The following PRRC2C variants were observed in gnomAD, a reference collection of about 807,000 sequenced individuals.
PRRC2C encodes protein PRRC2C.
In PRRC2C, 72 loss-of-function variants were observed where a neutral mutation model predicts 317.2. That is an observed-to-expected ratio of 0.23 (90% confidence interval 0.19 to 0.28). The LOEUF (loss-of-function observed/expected upper bound fraction) is 0.28. Among genes scored for constraint, PRRC2C ranks in the 10% least tolerant of loss-of-function variants. The pLI, the probability that PRRC2C is intolerant of heterozygous loss-of-function variation, is 1.00. For missense variants in PRRC2C, 3,074 were observed against 3,459.7 expected (o/e 0.89, Z 2.80); for synonymous variants, 1,296 against 1,205.9 (o/e 1.07, Z -1.55).
In PRRC2C at chr1:171,542,021, G is replaced by A. The variant is rs1369696524; in HGVS notation, c.4555G>A (p.Ala1519Thr). The A allele has an allele frequency of 4.3e-6, 7 of 1,613,558 alleles. No homozygotes were observed. Among genetic ancestry groups the A allele is most frequent in the African/African-American group, 1.3e-5 (1 of 74,856 alleles). ...GCGAGAGAGGGATGAAAAAAAAAAT[G>A]CTGACTTGAATGCACAAACAGTTGT... ...ERRERDEKKN[A>T]DLNAQTVVKV... The change falls in exon 16 of 35, where the codon GCT becomes ACT. Residue 1519 changes from alanine to threonine, a missense_variant. Ala to Thr is a moderately conservative substitution (Grantham distance 58). Around this residue, in one of 11 missense-constraint regions of PRRC2C, gnomAD observed 178 missense variants for 163.0 expected, o/e 1.09. Coordinates refer to ENST00000647382, the MANE Select transcript of PRRC2C (RefSeq NM_001387844.1).
intron 1 of PRRC2C, among the ~76,000 whole-genome samples, chr1:171,507,483 CG>C (rs1436167419): frequency 3.9e-5 from 6 of 152,058 alleles, no homozygotes; most frequent in African/African-American, 1.4e-4. Context: ...TGGTGGCAGA[CG>C]CCCGTAGTCC....
chr1:171,575,230 T>A (rs752033567), intron 25 of PRRC2C, 102 bp downstream of exon 25: 8 of 1,168,344 alleles, frequency 6.8e-6, no homozygotes, highest in Non-Finnish European at 9.6e-6. Context: ...AATAGTAATA[T>A]TCAATCTTCC....
intron 1 of PRRC2C, among the ~76,000 whole-genome samples, chr1:171,486,288 G>A (rs919979262): frequency 1.3e-5 from 2 of 151,972 alleles, no homozygotes; most frequent in African/African-American, 4.8e-5. Flanking sequence ...GGGGAATCAA[G>A]ACCAACCCTA....
chr1:171,557,487 TAGCTCCAGTTCTGGCCTCAACCTC>T lies in PRRC2C; in HGVS notation c.5387_5410del (p.Leu1796_Val1803del), dbSNP rs765128328. 8 of 1,550,846 alleles carry T rather than the reference TAGCTCCAGTTCTGGCCTCAACCTC, an allele frequency of 5.2e-6. No individual in the cohort carries two copies. The African/African-American group carries it at 8.3e-5, about 16-fold the overall frequency. Reference sequence around the variant, plus strand: ...TCAGCTCCGGTTCCAGCCTCAACTTTAGCTCCAGTTCTGGCCTCAACCTCAGCTCCAGTTCCAGCCTCACCCTTA... The same window carrying T: ...TCAGCTCCGGTTCCAGCCTCAACTTTAGCTCCAGTTCCAGCCTCACCCTTA... On this transcript the variant is annotated inframe_deletion, in exon 19 of 35. Transcript: ENST00000647382.
In PRRC2C at chr1:171,541,297, A is replaced by C. The variant is rs1411947318; in HGVS notation, c.3831A>C (p.Ala1277=). 1.2e-6 allele frequency: 2 copies of C among 1,614,024 alleles called. No individual in the cohort carries two copies. The highest frequency in any genetic ancestry group is 8.5e-7 in the Non-Finnish European group (1 of 1,179,888). ...TDTDSEIHES[A]SDKDSLSKGK... ...CAGACAGTGAAATTCATGAAAGTGCAAGTGACAAGGACAGTTTAAGTAAAG... is the reference window on the plus strand; with the variant it reads ...CAGACAGTGAAATTCATGAAAGTGCCAGTGACAAGGACAGTTTAAGTAAAG... The change falls in exon 16 of 35, where the codon GCA becomes GCC. Residue 1277 remains alanine, a synonymous_variant. Coordinates refer to ENST00000647382, the MANE Select transcript of PRRC2C (RefSeq NM_001387844.1). The surrounding 1 kb of genome is among the most constrained non-coding windows in gnomAD (Gnocchi z 4.1).
chr1:171,586,207 C>T (rs1327843101), intron 30 of PRRC2C, among the ~76,000 whole-genome samples: 8 of 150,660 alleles, frequency 5.3e-5, no homozygotes, highest in Non-Finnish European at 1.5e-5. Context: ...AGATTACAGG[C>T]ACCCACCACC....
chr1:171,559,505 GTTTGTTTTTT>G (rs369721741), intron 19 of PRRC2C, among the ~76,000 whole-genome samples: 40,351 of 93,060 alleles, frequency 0.43, 11,347 homozygotes, highest in East Asian at 0.58. Flanking sequence ...GGCATACCAA[GTTTGTTTTTT>G]TTTTTTTTTT....
intron 11 of PRRC2C, among the ~76,000 whole-genome samples, chr1:171,530,554 A>T (rs72717832): frequency 0.12 from 18,762 of 151,654 alleles, 1,224 homozygotes; most frequent in East Asian, 0.22. Flanking sequence ...CCTGGGCCGT[A>T]TTTTTATTTT....
intron 17 of PRRC2C, among the ~76,000 whole-genome samples, chr1:171,546,343 T>C (rs111829785): frequency 6.6e-6 from 1 of 152,242 alleles, no homozygotes; most frequent in African/African-American, 2.4e-5. Context: ...TTGAGAGATT[T>C]ACTAAGTTAA....
chr1:171,540,299 T>C lies in PRRC2C; in HGVS notation c.2833T>C (p.Ser945Pro). The C allele has an allele frequency of 1.2e-6, 2 of 1,613,800 alleles. No homozygotes were observed. The highest frequency in any genetic ancestry group is 1.7e-6 in the Non-Finnish European group (2 of 1,179,844). ...QKPDEQRSEP[S>P]AGIPKVTSRC... is the part of the protein sequence containing the mutation. ...ACCAGACGAGCAGAGAAGTGAACCA[T>C]CTGCAGGCATTCCTAAAGTAACCAG... Residue 945 changes from serine to proline, a missense_variant, in exon 16 of 35, where the codon TCT becomes CCT. Physicochemically the swap from Ser to Pro is moderately conservative, Grantham distance 74. Transcript: ENST00000647382.
chr1:171,577,407 C>T (rs1296366682), intron 25 of PRRC2C, 27 bp from the exon 26 acceptor site: 2 of 1,530,028 alleles, frequency 1.3e-6, no homozygotes, highest in African/African-American at 1.4e-5. Flanking sequence ...GCTCTATTTT[C>T]CCCTTTATTT....
chr1:171,536,441 CATATT>C (rs1420058683), intron 14 of PRRC2C, among the ~76,000 whole-genome samples, 163 bp downstream of exon 14: 4 of 152,112 alleles, frequency 2.6e-5, no homozygotes, highest in African/African-American at 9.7e-5. Flanking sequence ...ATCTGACACT[CATATT>C]ACTTATGTGG....
At position 171,566,618 on chromosome 1, in the gene PRRC2C, C is replaced by G. The variant is rs1462999703; in HGVS notation, c.6333C>G (p.Asn2111Lys). ...QKLPDLSPVE[N>K]KEHKPGPIGK... ...TTCCAGATTTGAGTCCAGTAGAAAA[C>G]AAAGAACACAAACCTGGTCCCATTG... The change falls in exon 22 of 35, where the codon AAC becomes AAG. Residue 2111 changes from asparagine to lysine, a missense_variant. Asn to Lys is a moderately conservative substitution (Grantham distance 94). Around this residue, in one of 11 missense-constraint regions of PRRC2C, gnomAD observed 640 missense variants for 676.1 expected, o/e 0.95. Transcript: ENST00000647382. 2 of 1,592,882 alleles carry G rather than the reference C, an allele frequency of 1.3e-6. No homozygotes were observed. The highest frequency in any genetic ancestry group is 1.1e-5 in the South Asian group (1 of 87,698).
Position 171,522,236 on chromosome 1 carries a change from A to C in PRRC2C, c.810A>C (p.Pro270=), listed in dbSNP as rs781132479. 2 of 1,590,522 alleles carry C rather than the reference A, an allele frequency of 1.3e-6. No homozygotes were observed. The highest frequency in any genetic ancestry group is 4.5e-5 in the East Asian group (2 of 44,646). ...YPPLHGPMRF[P]PSLSETNKGL... ...CTCTACATGGTCCCATGAGATTCCC[A>C]CCTTCTTTATCTGAAACAAACAAGT... Residue 270 remains proline (P), a synonymous_variant, in exon 7 of 35, where the codon CCA becomes CCC. Transcript: ENST00000647382.
intron 6 of PRRC2C, among the ~76,000 whole-genome samples, chr1:171,518,711 A>G (rs1672953629): frequency 7.9e-6 from 1 of 125,948 alleles, no homozygotes; most frequent in Admixed American, 9.5e-5. Context: ...CCATGTTGGC[A>G]AGGCTGGTTT....
chr1:171,569,891 T>C (rs1195031228), intron 23 of PRRC2C, among the ~76,000 whole-genome samples: 2 of 152,046 alleles, frequency 1.3e-5, no homozygotes, highest in African/African-American at 4.8e-5. Flanking sequence ...AAAATTATTA[T>C]TCTCAGAACC....
In PRRC2C at chr1:171,517,825, T is replaced by C. The variant is rs1672657183; in HGVS notation, c.750+11T>C. 1 of 1,600,716 alleles carries C rather than the reference T, an allele frequency of 6.2e-7. No individual in the cohort carries two copies. Among genetic ancestry groups the C allele is most frequent in the South Asian group, 1.1e-5 (1 of 90,504 alleles). ...ATGATGCCTCCTTATGTGAGTATTGTTAAATGAACAAGCATTCAAACAAGT... is the reference window on the plus strand; with the variant it reads ...ATGATGCCTCCTTATGTGAGTATTGCTAAATGAACAAGCATTCAAACAAGT... On this transcript the variant is annotated intron_variant, in intron 6 of 34. Transcript: ENST00000647382.
intron 6 of PRRC2C, among the ~76,000 whole-genome samples, chr1:171,520,138 T>C (rs1216325418): frequency 6.6e-6 from 1 of 152,170 alleles, no homozygotes; most frequent in African/African-American, 2.4e-5. Context: ...AATTCTTGTA[T>C]TTTTAGTAGA....
Position 171,499,021 on chromosome 1 carries a change from G to C in PRRC2C, c.-57-13011G>C, listed in dbSNP as rs1444809292. Among the ~76,000 whole-genome samples, 7 of 152,266 alleles carry C rather than the reference G, an allele frequency of 4.6e-5. No individual in the cohort carries two copies. In the East Asian group the frequency reaches 1.3e-3, roughly 29 times the overall value. ...CAAGATCTCTCACTAAGTTGCACAG[G>C]CTGATCTGGAGCTCCTGGGCTCAAG... On this transcript the variant is annotated intron_variant, in intron 1 of 34. Coordinates refer to ENST00000647382, the MANE Select transcript of PRRC2C (RefSeq NM_001387844.1).
Sources: allele counts gnomAD v4.1 joint callset (sites outside exome capture counted in the v4.1 genomes callset), GRCh38; gene constraint gnomAD v4.1.1; regional missense constraint gnomAD v4.1.1; non-coding constraint Gnocchi (gnomAD v3.1); transcripts MANE v1.5; gene names NCBI Gene and HGNC (gene_info 2026-07-23, HGNC 2026-07-21).